Variants in SNUPN observed in about 807,000 individuals in gnomAD.
The protein encoded by SNUPN is snurportin-1.
Under a neutral mutation model 39.2 loss-of-function variants are expected in SNUPN, and 31 were observed. The ratio of observed to expected loss-of-function variants is 0.79; its 90% confidence interval spans 0.59 to 1.07. The LOEUF (loss-of-function observed/expected upper bound fraction) is 1.07, where lower values mean the gene tolerates loss of function less well. Ranked by LOEUF, SNUPN falls within the 50% of genes least tolerant of loss-of-function variation. The pLI is 0.00. For missense variants in SNUPN, 382 were observed against 434.2 expected, an observed-to-expected ratio of 0.88 and a Z score of 1.07; for synonymous variants, 132 against 159.0, an observed-to-expected ratio of 0.83 and a Z score of 1.28.
chr15:75,606,533 T>C (rs1410654803), intron 6 of SNUPN, among the ~76,000 whole-genome samples: 1 of 151,682 alleles, frequency 6.6e-6, no homozygotes, highest in Non-Finnish European at 1.5e-5. Flanking sequence ...ACTGGGACAA[T>C]GACGGGGAGA....
intron 8 of SNUPN, among the ~76,000 whole-genome samples, chr15:75,599,909 G>A (rs1221121098): frequency 1.3e-5 from 2 of 150,594 alleles, no homozygotes; most frequent in African/African-American, 2.4e-5. Flanking sequence ...GCGGTGGTGC[G>A]ATCTCAGCTC....
At chr15:75,624,703 C>T in intron 1 of SNUPN, 8 of 1,253,918 alleles carry the variant, frequency 6.4e-6, no homozygotes, top group Non-Finnish European at 8.2e-6. Context: ...GATACTGGGG[C>T]GGTTCCTTTA....
intron 3 of SNUPN, among the ~76,000 whole-genome samples, chr15:75,613,653 A>AG (rs559206711): frequency 1.1e-4 from 17 of 151,468 alleles, no homozygotes; most frequent in East Asian, 9.7e-4. Flanking sequence ...AAAAAAAAAA[A>AG]AAAAGAAAAG....
intron 7 of SNUPN, among the ~76,000 whole-genome samples, chr15:75,604,496 A>C (rs935711593): frequency 9.9e-5 from 15 of 152,186 alleles, no homozygotes; most frequent in African/African-American, 3.6e-4. Context: ...CAATCCAAGC[A>C]AATGCCAATC....
chr15:75,601,096 C>T (rs1243529622), intron 8 of SNUPN, 42 bp downstream of exon 8: 1 of 1,343,528 alleles, frequency 7.4e-7, no homozygotes, highest in Non-Finnish European at 1.1e-6. Flanking sequence ...CTCTCTGCAG[C>T]CTATCATCAT....
chr15:75,617,092 G>A (rs1207636472), intron 3 of SNUPN, among the ~76,000 whole-genome samples: 1 of 152,244 alleles, frequency 6.6e-6, no homozygotes, highest in African/African-American at 2.4e-5. Flanking sequence ...ACAAGGATAT[G>A]GAGTGTGTTA....
At chr15:75,602,525 CAAAA>C (rs530791161) in intron 7 of SNUPN, among the ~76,000 whole-genome samples, 1 of 121,272 alleles carries the variant, frequency 8.2e-6, no homozygotes. Context: ...GACTCGGTCT[CAAAA>C]AAAAAAAAAA....
At chr15:75,609,688 C>T (rs1380131721) in intron 4 of SNUPN, 37 bp from the exon 5 acceptor site, 5 of 1,472,128 alleles carry the variant, frequency 3.4e-6, no homozygotes, top group Non-Finnish European at 4.7e-6. Context: ...TATTAGACCT[C>T]AAGGTCTCCT....
chr15:75,603,400 G>T (rs1203174339), intron 7 of SNUPN, among the ~76,000 whole-genome samples: 2 of 148,132 alleles, frequency 1.4e-5, no homozygotes, highest in Non-Finnish European at 3.0e-5. Flanking sequence ...AGTGGATCAC[G>T]CCTGTAATCC....
intron 2 of SNUPN, among the ~76,000 whole-genome samples, chr15:75,618,959 T>C (rs1893002229): frequency 1.4e-5 from 2 of 145,904 alleles, no homozygotes; most frequent in African/African-American, 5.1e-5. Flanking sequence ...GATATAGAAT[T>C]TCTCCCCCAA....
At chr15:75,620,584 G>A (rs914132929) in intron 2 of SNUPN, among the ~76,000 whole-genome samples, 11 of 152,274 alleles carry the variant, frequency 7.2e-5, no homozygotes, top group Admixed American at 5.2e-4. Flanking sequence ...AAGTCTGGGC[G>A]TGGCTTTCGC....
intron 3 of SNUPN, among the ~76,000 whole-genome samples, chr15:75,610,909 C>A (rs1420439584): frequency 6.6e-6 from 1 of 152,176 alleles, no homozygotes; most frequent in East Asian, 1.9e-4. Context: ...GTGGCTCACG[C>A]CTGTAGTCCC....
intron 7 of SNUPN, among the ~76,000 whole-genome samples, chr15:75,602,338 C>T (rs1166711857): frequency 1.3e-5 from 2 of 151,986 alleles, no homozygotes; most frequent in African/African-American, 2.4e-5. Context: ...CCAGTCTGAC[C>T]AATATGGCGA....
chr15:75,607,149 G>A lies in SNUPN; in HGVS notation c.600+67C>T, dbSNP rs2075336761. ...AGTTGGTCACATACCAAACCCACATGCTGAGCCGCTTTCCCAGGAGGAGAG... is the reference window on the plus strand; with the variant it reads ...AGTTGGTCACATACCAAACCCACATACTGAGCCGCTTTCCCAGGAGGAGAG... On this transcript the variant is annotated intron_variant, in intron 6 of 8. Transcript: ENST00000308588. 4 of 1,158,760 alleles carry A rather than the reference G, an allele frequency of 3.5e-6. No individual in the cohort carries two copies. In the South Asian group the frequency reaches 3.7e-5, roughly 11 times the overall value. 71.8% of individuals were successfully genotyped at this position (1,158,760 alleles called of 1,614,324 possible). A position where few individuals can be genotyped will look rare whatever the true frequency, so the allele number is the denominator to read the frequency against.
At chr15:75,617,266 A>T in intron 3 of SNUPN, 142 bp downstream of exon 3, 1 of 828,534 alleles carries the variant, frequency 1.2e-6, no homozygotes, top group Non-Finnish European at 1.9e-6. Context: ...TGATCTACGT[A>T]CACTGGCATG....
rs2141366179 is a variant in SNUPN, at chr15:75,607,244, C to A, written c.572G>T (p.Trp191Leu). ...GCAATCATAAAAAGGGTGTCCCCGCCAGCACATCACATCCAGAACGTAGTA... is the reference window on the plus strand; with the variant it reads ...GCAATCATAAAAAGGGTGTCCCCGCAAGCACATCACATCCAGAACGTAGTA... ...QTYYVLDVMCWRGHPFYDCQT... is the reference protein window; with the variant it reads ...QTYYVLDVMCLRGHPFYDCQT... The change falls in exon 6 of 9, where the codon TGG (tryptophan) becomes TTG (leucine). Residue 191 changes from tryptophan to leucine, a missense_variant. Trp to Leu is a moderately conservative substitution (Grantham distance 61). Transcript: ENST00000308588. 6.2e-7 allele frequency: 1 copy of A among 1,613,740 alleles called. No individual in the cohort carries two copies. Among genetic ancestry groups the A allele is most frequent in the Middle Eastern group, 1.7e-4 (1 of 6,050 alleles).
intron 2 of SNUPN, among the ~76,000 whole-genome samples, chr15:75,619,022 T>TAAA (rs35749195): frequency 1.3e-5 from 1 of 74,380 alleles, no homozygotes; most frequent in Non-Finnish European, 2.4e-5. Flanking sequence ...CTACTTGTGT[T>TAAA]AAAAAAAAAA....
At chr15:75,613,357 A>C (rs1892844616) in intron 3 of SNUPN, among the ~76,000 whole-genome samples, 1 of 151,948 alleles carries the variant, frequency 6.6e-6, no homozygotes, top group African/African-American at 2.4e-5. Flanking sequence ...AAGATGTTTA[A>C]CATCAGGCCA....
chr15:75,613,151 C>T (rs1309874930), intron 3 of SNUPN, among the ~76,000 whole-genome samples: 1 of 146,800 alleles, frequency 6.8e-6, no homozygotes, highest in Non-Finnish European at 1.5e-5. Flanking sequence ...CCCAGCTGTT[C>T]GGGAGGCTGA....
Sources: gnomAD v4.1 joint callset for allele counts (sites outside exome capture counted in the v4.1 genomes callset) on GRCh38, gnomAD v4.1.1 for gene constraint, MANE v1.5 for transcripts, NCBI Gene and HGNC (gene_info 2026-07-23, HGNC 2026-07-21) for gene names.